ARHGAP42: variants seen among roughly 807,000 people sequenced by gnomAD.
The protein encoded by ARHGAP42 is Rho GTPase activating protein 42.
Under a neutral mutation model 125.0 loss-of-function variants are expected in ARHGAP42, and 63 were observed. That is an observed-to-expected ratio of 0.50 (90% confidence interval 0.41 to 0.62). The LOEUF (loss-of-function observed/expected upper bound fraction) is 0.62. Among genes scored for constraint, ARHGAP42 ranks in the 20% least tolerant of loss-of-function variants. The pLI, the probability that ARHGAP42 is intolerant of heterozygous loss-of-function variation, is 0.00. For synonymous variants in ARHGAP42, 339 were observed against 351.0 expected (o/e 0.97, Z 0.38); for missense variants, 766 against 1,024.2 (o/e 0.75, Z 3.44).
At chr11:100,806,417 T>C (rs1002392337) in intron 3 of ARHGAP42, among the ~76,000 whole-genome samples, 2 of 152,216 alleles carry the variant, frequency 1.3e-5, no homozygotes, top group African/African-American at 4.8e-5. Context: ...TGCGATTATC[T>C]GTGAAGTAAT....
At chr11:100,890,256 G>C (rs1405022216) in intron 4 of ARHGAP42, among the ~76,000 whole-genome samples, 2 of 152,154 alleles carry the variant, frequency 1.3e-5, no homozygotes, top group Non-Finnish European at 2.9e-5. Flanking sequence ...GCCAGCTCCT[G>C]ATGGTTGAAG....
intron 3 of ARHGAP42, among the ~76,000 whole-genome samples, chr11:100,807,753 T>C (rs932818495): frequency 5.9e-5 from 9 of 152,248 alleles, no homozygotes; most frequent in Non-Finnish European, 1.2e-4. Context: ...TTTTCCTGCC[T>C]TTGGCATTTA....
intron 1 of ARHGAP42, among the ~76,000 whole-genome samples, chr11:100,739,353 T>C (rs1189753522): frequency 6.6e-6 from 1 of 152,166 alleles, no homozygotes; most frequent in East Asian, 1.9e-4. Flanking sequence ...TGAAGAACTC[T>C]TGATTTGAAA....
intron 17 of ARHGAP42, among the ~76,000 whole-genome samples, chr11:100,968,832 A>G (rs1210415481): frequency 6.6e-6 from 1 of 152,166 alleles, no homozygotes; most frequent in Non-Finnish European, 1.5e-5. Flanking sequence ...TTATTAATAC[A>G]TACATATTAT....
At chr11:100,912,954 T>G (rs549743182) in intron 4 of ARHGAP42, among the ~76,000 whole-genome samples, 48 of 152,104 alleles carry the variant, frequency 3.2e-4, no homozygotes, top group South Asian at 1.7e-3. Flanking sequence ...ATTTCAGGTG[T>G]CTTTTGTGGC....
chr11:100,969,783 C>T, intron 17 of ARHGAP42, among the ~76,000 whole-genome samples: 1 of 151,968 alleles, frequency 6.6e-6, no homozygotes, highest in South Asian at 2.1e-4. Flanking sequence ...AAGTCTTTTT[C>T]TGTTTAAATC....
intron 13 of ARHGAP42, among the ~76,000 whole-genome samples, chr11:100,960,440 T>C (rs551501842): frequency 1.3e-5 from 2 of 152,162 alleles, no homozygotes; most frequent in African/African-American, 2.4e-5. Context: ...AAAATTCATA[T>C]TGGGTTTTGG....
chr11:100,899,587 C>G (rs576013176), intron 4 of ARHGAP42, among the ~76,000 whole-genome samples: 2 of 152,048 alleles, frequency 1.3e-5, no homozygotes, highest in South Asian at 2.1e-4. Flanking sequence ...ATCCCTTTAC[C>G]ATTATGTAAT....
chr11:100,811,585 A>C (rs1232095481), intron 3 of ARHGAP42, among the ~76,000 whole-genome samples: 1 of 146,934 alleles, frequency 6.8e-6, no homozygotes, highest in Non-Finnish European at 1.5e-5. Context: ...GCTCACTTCA[A>C]CTCCCCCGGG....
chr11:100,952,191 A>T (rs1458060321), intron 12 of ARHGAP42, among the ~76,000 whole-genome samples: 1 of 152,192 alleles, frequency 6.6e-6, no homozygotes, highest in Non-Finnish European at 1.5e-5. Context: ...TTTTAAAACT[A>T]AGTCGTTTTC....
intron 5 of ARHGAP42, among the ~76,000 whole-genome samples, chr11:100,919,462 A>G (rs1436466323): frequency 3.9e-5 from 6 of 152,102 alleles, no homozygotes; most frequent in Admixed American, 2.0e-4. Flanking sequence ...TCTTTTCTGC[A>G]TAGTTCCATT....
intron 4 of ARHGAP42, among the ~76,000 whole-genome samples, chr11:100,864,280 C>A (rs1865516837): frequency 2.0e-5 from 3 of 151,670 alleles, no homozygotes; most frequent in African/African-American, 7.3e-5. Flanking sequence ...CACCTCCCGG[C>A]TTCATGTGAT....
In ARHGAP42 at chr11:100,976,297, C is replaced by T. The variant is rs1403831629; in HGVS notation, c.2096C>T (p.Ser699Leu). ...REDATKTDAE[S>L]DCQSVASVTS... ...GATGCAACCAAGACAGATGCAGAAT[C>T]AGACTGCCAGAGTGTTGCTTCAGTC... The change falls in exon 20 of 24, where the codon TCA becomes TTA. Residue 699 changes from serine to leucine, a missense_variant. Ser to Leu is a moderately radical substitution (Grantham distance 145). This residue lies in a region of ARHGAP42 where 308 missense variants were observed against 369.7 expected (regional missense o/e 0.83). Transcript: ENST00000298815. 6.4e-7 allele frequency: 1 copy of T among 1,551,634 alleles called. No homozygotes were observed. The highest frequency in any genetic ancestry group is 1.4e-5 in the African/African-American group (1 of 73,030).
At chr11:100,804,440 A>G (rs1863939804) in intron 3 of ARHGAP42, among the ~76,000 whole-genome samples, 1 of 152,108 alleles carries the variant, frequency 6.6e-6, no homozygotes. Context: ...TTATAAGACT[A>G]TTAAGGCCTC....
At chr11:100,973,721 C>T (rs1366116552) in intron 18 of ARHGAP42, among the ~76,000 whole-genome samples, 1 of 152,120 alleles carries the variant, frequency 6.6e-6, no homozygotes, top group African/African-American at 2.4e-5. Context: ...GTCTTGAAGT[C>T]TTCTCTATAT....
chr11:100,890,699 T>C (rs1018617991), intron 4 of ARHGAP42, among the ~76,000 whole-genome samples: 3 of 152,208 alleles, frequency 2.0e-5, no homozygotes, highest in Non-Finnish European at 2.9e-5. Flanking sequence ...AAATAAAAGA[T>C]TGGTTAAAAT....
Position 100,880,301 on chromosome 11 carries a change from C to T in ARHGAP42, c.384+20676C>T, listed in dbSNP as rs143230701. 4.3e-3 allele frequency among the ~76,000 whole-genome samples: 651 copies of T among 152,276 alleles called. 1 individual carries two copies. The highest frequency in any genetic ancestry group is 6.6e-3 in the Non-Finnish European group (450 of 68,014). ...CCCAAAGTCCACTGTGTCATTCTTA[C>T]GCCTTTGCATCCTCATAGCTTAGCT... On this transcript the variant is annotated intron_variant, in intron 4 of 23. Transcript: ENST00000298815.
At chr11:100,873,463 C>G (rs1018304657) in intron 4 of ARHGAP42, among the ~76,000 whole-genome samples, 2 of 151,976 alleles carry the variant, frequency 1.3e-5, no homozygotes, top group African/African-American at 4.8e-5. Context: ...GTTATATAAC[C>G]CACGGTATGA....
intron 1 of ARHGAP42, among the ~76,000 whole-genome samples, chr11:100,735,711 C>T (rs1014056764): frequency 4.9e-5 from 7 of 143,138 alleles, no homozygotes; most frequent in Non-Finnish European, 9.0e-5. Context: ...TGGGTTCAAG[C>T]GAGTCTCCTG....
Sources: allele counts gnomAD v4.1 joint callset (sites outside exome capture counted in the v4.1 genomes callset), GRCh38; gene constraint gnomAD v4.1.1; regional missense constraint gnomAD v4.1.1; transcripts MANE v1.5; gene names NCBI Gene and HGNC (gene_info 2026-07-23, HGNC 2026-07-21).